The following CPZ variants were observed in gnomAD, a reference collection of about 807,000 sequenced individuals.
CPZ encodes the protein VEZT/CPZ fusion.
Under a neutral mutation model 61.8 loss-of-function variants are expected in CPZ, and 103 were observed. The observed-to-expected ratio is 1.67, with a 90% CI of 1.42 to 1.96. CPZ has a LOEUF of 1.96. Ranked by LOEUF, CPZ falls within the 30% of genes most tolerant of loss-of-function variation. The pLI is 0.00. For missense variants in CPZ, 1,461 were observed against 914.9 expected, an observed-to-expected ratio of 1.60 and a Z score of -7.70; for synonymous variants, 551 against 373.7, an observed-to-expected ratio of 1.47 and a Z score of -5.47.
chr4:8,612,458 G>T (rs956760155), intron 8 of CPZ, among the ~76,000 whole-genome samples: 8 of 152,198 alleles, frequency 5.3e-5, no homozygotes, highest in Admixed American at 2.6e-4. Flanking sequence ...CATTAGGGAA[G>T]TGGAGTTGCC....
chr4:8,607,746 G>A (rs542202643), intron 7 of CPZ, among the ~76,000 whole-genome samples: 1 of 152,130 alleles, frequency 6.6e-6, no homozygotes, highest in Non-Finnish European at 1.5e-5. Flanking sequence ...CGCGCCTGGC[G>A]GGGTCCCCAG....
intron 7 of CPZ, among the ~76,000 whole-genome samples, chr4:8,609,290 C>CATTA (rs1346781654): frequency 6.6e-6 from 1 of 150,904 alleles, no homozygotes; most frequent in East Asian, 2.0e-4. Context: ...CTAATTTTCT[C>CATTA]AGTCATTCAT....
At chr4:8,616,333 C>T (rs1716157981) in intron 9 of CPZ, among the ~76,000 whole-genome samples, 1 of 152,132 alleles carries the variant, frequency 6.6e-6, no homozygotes, top group East Asian at 1.9e-4. Context: ...ACCGCATGTG[C>T]CCTGTGTTTC....
rs111338063 is a variant in CPZ, at chr4:8,606,742, C to T, written c.912C>T (p.Ala304=). The change falls in exon 6 of 11, where the codon GCC becomes GCT. Residue 304 remains alanine (A), a synonymous_variant. Coordinates refer to ENST00000360986, the MANE Select transcript of CPZ (RefSeq NM_001014447.3). ...GGGGTTGGCCATGTTTTCAGGGTGC[C>T]GGCTACAACGGGTGGACGAGCGGGA... is the stretch of plus-strand genomic sequence containing the variant. The part of the protein sequence containing the change: ...DGYEVAAAEG[A]GYNGWTSGRQ... 3.5e-5 allele frequency: 56 copies of T among 1,614,100 alleles called. No individual in the cohort carries two copies. In the African/African-American group the frequency reaches 5.1e-4, roughly 15 times the overall value.
rs779520052 is a variant in CPZ at position 8,604,123 on chromosome 4, G to A, written c.644G>A (p.Arg215His). ...GTGGCCAGGACCTACAGCATCGGGCGCAGCTTCGACGGCAGGGAGCTGCTG... is the reference window on the plus strand; with the variant it reads ...GTGGCCAGGACCTACAGCATCGGGCACAGCTTCGACGGCAGGGAGCTGCTG... ...AHVARTYSIG[R>H]SFDGRELLVI... The change falls in exon 4 of 11, where the codon CGC becomes CAC. Residue 215 changes from arginine to histidine, a missense_variant. By Grantham distance (29) the Arg-to-His change is conservative (BLOSUM62 0). Transcript: ENST00000360986. 48 of 1,597,786 alleles carry A rather than the reference G, an allele frequency of 3.0e-5. No individual in the cohort carries two copies. Among genetic ancestry groups the A allele is most frequent in the East Asian group, 2.3e-4 (10 of 44,060 alleles).
Position 8,604,015 on chromosome 4 carries a change from C to T in CPZ, c.536C>T (p.Pro179Leu), listed in dbSNP as rs149934510. ...EADEALPSGL[P>L]PTFIRFSHHS... ...GACGAGGCACTGCCCTCAGGGCTGC[C>T]GCCCACCTTCATCCGCTTCAGCCAC... Residue 179 changes from proline to leucine, a missense_variant, in exon 4 of 11, where the codon CCG becomes CTG. By Grantham distance (98) the Pro-to-Leu change is moderately conservative. Coordinates refer to ENST00000360986, the MANE Select transcript of CPZ (RefSeq NM_001014447.3). The T allele has an allele frequency of 8.8e-4, 1,419 of 1,612,096 alleles. 7 individuals carry two copies. Among genetic ancestry groups the T allele is most frequent in the South Asian group, 2.2e-3 (196 of 91,064 alleles).
intron 1 of CPZ, 81 bp downstream of exon 1, chr4:8,593,002 C>A: frequency 2.6e-6 from 3 of 1,151,870 alleles, no homozygotes; most frequent in Non-Finnish European, 3.7e-6. Flanking sequence ...CCCAGGGGCC[C>A]GGGAGCTTTC....
chr4:8,600,407 AGAG>A (rs1187240482), intron 2 of CPZ, among the ~76,000 whole-genome samples: 2 of 152,190 alleles, frequency 1.3e-5, no homozygotes, highest in Non-Finnish European at 2.9e-5. Context: ...GCTGAGGAAA[AGAG>A]GAGAAGGCCA....
At chr4:8,596,464 C>G (rs1412600529) in intron 1 of CPZ, among the ~76,000 whole-genome samples, 1 of 152,248 alleles carries the variant, frequency 6.6e-6, no homozygotes, top group Non-Finnish European at 1.5e-5. Context: ...GTGACCCAGC[C>G]AGCAGACACT....
intron 7 of CPZ, among the ~76,000 whole-genome samples, chr4:8,609,245 C>T (rs1297063494): frequency 8.7e-6 from 1 of 115,118 alleles, no homozygotes; most frequent in Non-Finnish European, 1.7e-5. Context: ...CACTCATTCA[C>T]TCATCACTCA....
intron 1 of CPZ, among the ~76,000 whole-genome samples, chr4:8,598,409 T>C (rs906019383): frequency 2.0e-5 from 3 of 152,286 alleles, no homozygotes; most frequent in African/African-American, 7.2e-5. Flanking sequence ...CGGCCTGCAC[T>C]CTCCTGGCCT....
intron 1 of CPZ, 36 bp from the exon 2 acceptor site, chr4:8,599,417 G>A: frequency 6.3e-7 from 1 of 1,575,978 alleles, no homozygotes; most frequent in Non-Finnish European, 8.6e-7. Flanking sequence ...AGGATGGCGA[G>A]GCAGGTCCCT....
intron 5 of CPZ, among the ~76,000 whole-genome samples, chr4:8,606,495 TGACTGTCGAGGGC>T (rs1204278636): frequency 6.6e-6 from 1 of 151,648 alleles, no homozygotes; most frequent in Non-Finnish European, 1.5e-5. Context: ...GCAGAGCAGG[TGACTGTCGAGGGC>T]GCCCCACTCA....
At chr4:8,614,332 G>C (rs1715976908) in intron 8 of CPZ, 27 bp from the exon 9 acceptor site, 2 of 1,604,032 alleles carry the variant, frequency 1.2e-6, no homozygotes, top group East Asian at 2.2e-5. Context: ...TGACACCCCT[G>C]ACGTCCCCGC....
Position 8,614,427 on chromosome 4 carries a change from T to A in CPZ, c.1432T>A (p.Phe478Ile), listed in dbSNP as rs141065142. The A allele has an allele frequency of 5.0e-5, 81 of 1,613,862 alleles. 1 individual carries two copies. The highest frequency in any genetic ancestry group is 3.1e-4 in the South Asian group (28 of 91,074). The stretch of plus-strand genomic sequence containing the variant: ...CACGGTAGAGCTGGGCTGTGTGAAG[T>A]TCCCCCCCGAGGAGGCCCTGTACAT... Reference protein sequence around the residue: ...EITVELGCVKFPPEEALYILW... With the variant: ...EITVELGCVKIPPEEALYILW... Residue 478 changes from phenylalanine to isoleucine, a missense_variant, in exon 9 of 11, where the codon TTC becomes ATC. Physicochemically the swap from Phe to Ile is conservative, Grantham distance 21 (BLOSUM62 0). Transcript: ENST00000360986.
At chr4:8,609,140 T>TCACTCCTCATTAACTCAGC (rs1302242757) in intron 7 of CPZ, among the ~76,000 whole-genome samples, 1 of 47,308 alleles carries the variant, frequency 2.1e-5, no homozygotes, top group African/African-American at 7.2e-5. Context: ...ACTCATTTAC[T>TCACTCCTCATTAACTCAGC]CATTCACCCA....
chr4:8,613,628 T>C (rs914267654), intron 8 of CPZ, among the ~76,000 whole-genome samples: 10 of 152,296 alleles, frequency 6.6e-5, no homozygotes, highest in African/African-American at 2.4e-4. Flanking sequence ...CAGCCAGCCC[T>C]GTGGGTGCTA....
intron 9 of CPZ, among the ~76,000 whole-genome samples, chr4:8,615,958 G>A (rs749270060): frequency 9.2e-5 from 14 of 152,222 alleles, no homozygotes; most frequent in Non-Finnish European, 1.6e-4. Flanking sequence ...CACCTGTGGC[G>A]AGTCCCATTC....
chr4:8,593,340 C>T (rs904649539), intron 1 of CPZ, among the ~76,000 whole-genome samples: 3 of 152,198 alleles, frequency 2.0e-5, no homozygotes, highest in Non-Finnish European at 4.4e-5. Context: ...AAACTCTTGA[C>T]CCCTCCCTCC....
Sources: gnomAD v4.1 joint callset for allele counts (sites outside exome capture counted in the v4.1 genomes callset) on GRCh38, gnomAD v4.1.1 for gene constraint, MANE v1.5 for transcripts, NCBI Gene and HGNC (gene_info 2026-07-23, HGNC 2026-07-21) for gene names.